PSMF1: variants seen among roughly 807,000 people sequenced by gnomAD.
PSMF1 encodes the protein proteasome inhibitor PI31 subunit.
Under a neutral mutation model 29.3 loss-of-function variants are expected in PSMF1, and 30 were observed. The observed-to-expected ratio is 1.02, with a 90% confidence interval of 0.77 to 1.39. The LOEUF is 1.39. PSMF1 is among the 40% of genes most tolerant of loss of function. The pLI is 0.00. For synonymous variants in PSMF1, 134 were observed against 139.7 expected, an observed-to-expected ratio of 0.96 and a Z score of 0.29; for missense variants, 344 against 357.5, an observed-to-expected ratio of 0.96 and a Z score of 0.31.
Position 1,165,460 on chromosome 20 carries a change from A to C in PSMF1, c.*380A>C. 5 of 1,047,828 alleles carry C rather than the reference A, an allele frequency of 4.8e-6. No individual in the cohort carries two copies. Among genetic ancestry groups the C allele is most frequent in the Non-Finnish European group, 5.7e-6 (5 of 869,782 alleles). The allele number at this position is 1,047,828 out of a possible 1,614,324, so 64.9% of individuals were successfully genotyped here. ...TATTAAGAACCAAATGTCAATACAG[A>C]ATTCATGTTGCCGGTTTCCCACTTT... On this transcript the variant is annotated 3_prime_UTR_variant, in exon 7 of 7. Coordinates refer to ENST00000335877, the MANE Select transcript of PSMF1 (RefSeq NM_006814.5).
intron 1 of PSMF1, among the ~76,000 whole-genome samples, chr20:1,124,024 T>A (rs936849996): frequency 6.6e-5 from 10 of 152,256 alleles, no homozygotes; most frequent in African/African-American, 2.4e-4. Flanking sequence ...ATTGTTATTG[T>A]TCATTTTCCA....
chr20:1,143,698 T>A (rs2086412400), intron 4 of PSMF1, among the ~76,000 whole-genome samples: 1 of 152,178 alleles, frequency 6.6e-6, no homozygotes, highest in South Asian at 2.1e-4. Flanking sequence ...ACCTACAGTT[T>A]GGGAGGCAAT....
At chr20:1,155,566 A>G (rs1018048347) in intron 4 of PSMF1, among the ~76,000 whole-genome samples, 1 of 152,242 alleles carries the variant, frequency 6.6e-6, no homozygotes, top group Admixed American at 6.5e-5. Flanking sequence ...TGCGTGGACC[A>G]CAGAGCGGGA....
At chr20:1,147,400 G>C (rs138622299) in intron 4 of PSMF1, among the ~76,000 whole-genome samples, 17 of 152,312 alleles carry the variant, frequency 1.1e-4, no homozygotes, top group African/African-American at 3.8e-4. Flanking sequence ...GATTTACCCC[G>C]AAGTGGGTCT....
At chr20:1,131,574 A>G (rs1009262604) in intron 3 of PSMF1, among the ~76,000 whole-genome samples, 1 of 152,182 alleles carries the variant, frequency 6.6e-6, no homozygotes, top group Admixed American at 6.5e-5. Context: ...CTGCCTCCTG[A>G]TCAGAGGCCC....
At chr20:1,123,385 G>A (rs1035179439) in intron 1 of PSMF1, among the ~76,000 whole-genome samples, 1 of 152,102 alleles carries the variant, frequency 6.6e-6, no homozygotes, top group Admixed American at 6.6e-5. Flanking sequence ...CATGACTACA[G>A]ATCTTCCCAG....
intron 4 of PSMF1, among the ~76,000 whole-genome samples, chr20:1,162,011 A>T (rs1280199190): frequency 4.6e-5 from 7 of 152,048 alleles, no homozygotes; most frequent in Non-Finnish European, 7.4e-5. Context: ...GTGGAAGACA[A>T]GTCTATGGCT....
chr20:1,122,857 G>T (rs969449471), intron 1 of PSMF1, among the ~76,000 whole-genome samples: 2 of 152,178 alleles, frequency 1.3e-5, no homozygotes, highest in Admixed American at 6.5e-5. Context: ...TGATGGGGTG[G>T]TGAGCAGACC....
chr20:1,116,409 A>T (rs2122418330), upstream of PSMF1, among the ~76,000 whole-genome samples: 1 of 152,238 alleles, frequency 6.6e-6, no homozygotes, highest in East Asian at 1.9e-4. Flanking sequence ...ACATACATGC[A>T]CTCTTCCTCA....
chr20:1,162,168 T>G (rs1229114570), intron 4 of PSMF1, among the ~76,000 whole-genome samples: 2 of 152,236 alleles, frequency 1.3e-5, no homozygotes, highest in African/African-American at 4.8e-5. Flanking sequence ...GTTTCCTTTC[T>G]TAGCTGATGT....
rs2086713542 is a variant in PSMF1, at chr20:1,165,144, C to T, written c.*64C>T. The T allele has an allele frequency of 4.3e-6, 7 of 1,612,982 alleles. No individual in the cohort carries two copies. Among genetic ancestry groups the T allele is most frequent in the Non-Finnish European group, 5.9e-6 (7 of 1,179,316 alleles). The stretch of plus-strand genomic sequence containing the variant: ...CTCCTGGAGCTGCCACCGCTGTCCC[C>T]ATCAGCAACCATGTTCTTGCAGGCT... On this transcript the variant is annotated 3_prime_UTR_variant, in exon 7 of 7. Coordinates refer to ENST00000335877, the MANE Select transcript of PSMF1 (RefSeq NM_006814.5).
chr20:1,152,936 C>T (rs539040309), intron 4 of PSMF1, among the ~76,000 whole-genome samples: 1 of 152,288 alleles, frequency 6.6e-6, no homozygotes, highest in East Asian at 1.9e-4. Context: ...TGAATGTTTC[C>T]TTAGAATAGA....
At chr20:1,137,259 G>T (rs2086318762) in intron 4 of PSMF1, among the ~76,000 whole-genome samples, 1 of 152,188 alleles carries the variant, frequency 6.6e-6, no homozygotes, top group South Asian at 2.1e-4. Context: ...GAGAGAATGA[G>T]AAAATCACCA....
At chr20:1,118,543 G>A, upstream of PSMF1, 1 of 459,128 alleles carries the variant, frequency 2.2e-6, no homozygotes, top group Non-Finnish European at 3.8e-6. Flanking sequence ...TCAGTGCTGC[G>A]CTCGCGTTGC....
intron 4 of PSMF1, among the ~76,000 whole-genome samples, chr20:1,137,092 T>G (rs538094076): frequency 6.6e-6 from 1 of 152,342 alleles, no homozygotes; most frequent in Non-Finnish European, 1.5e-5. Flanking sequence ...CTCTGGTCTC[T>G]GCCTGTAAAT....
rs775668042 is a variant in PSMF1 at position 1,135,254 on chromosome 20, G to A, written c.499G>A (p.Asp167Asn). 6.2e-7 allele frequency: 1 copy of A among 1,613,952 alleles called. No individual in the cohort carries two copies. Among genetic ancestry groups the A allele is most frequent in the Non-Finnish European group, 8.5e-7 (1 of 1,179,960 alleles). ...EFPPATAREV[D>N]PLRIPPHHPH... ...CCCCCCTGCTACCGCCAGAGAGGTG[G>A]ACCCACTCCGGATTCCTCCACACCA... The change falls in exon 4 of 7, where the codon GAC (aspartate) becomes AAC (asparagine). Residue 167 changes from aspartate to asparagine, a missense_variant. Transcript: ENST00000335877.
chr20:1,145,065 T>C (rs1323189632), intron 4 of PSMF1, among the ~76,000 whole-genome samples: 1 of 152,126 alleles, frequency 6.6e-6, no homozygotes, highest in Non-Finnish European at 1.5e-5. Flanking sequence ...TTTGTATTTT[T>C]AGTAGAGACG....
At chr20:1,149,628 A>G (rs747469880) in intron 4 of PSMF1, among the ~76,000 whole-genome samples, 49 of 152,092 alleles carry the variant, frequency 3.2e-4, no homozygotes, top group African/African-American at 7.5e-4. Flanking sequence ...TCAAGTAAAA[A>G]CAAAAAACAA....
In PSMF1 at chr20:1,163,329, G is replaced by A. The variant is rs2086689631; in HGVS notation, c.605+146G>A. The A allele has an allele frequency of 1.2e-6, 1 of 866,460 alleles. No homozygotes were observed. The highest frequency in any genetic ancestry group is 1.8e-6 in the Non-Finnish European group (1 of 544,938). The allele number at this position is 866,460 out of a possible 1,614,324, so 53.7% of individuals were successfully genotyped here. On this transcript the variant is annotated intron_variant, in intron 5 of 6. Transcript: ENST00000335877. The surrounding 1 kb of genome is among the most constrained non-coding windows in gnomAD (Gnocchi z 6.1). ...GTTGCTGAGCAGCTGAGAAAGCACT[G>A]CCACATACGCTGCCCCTCCACACCT...
Sources: gnomAD v4.1 joint callset for allele counts (sites outside exome capture counted in the v4.1 genomes callset) on GRCh38, gnomAD v4.1.1 for gene constraint, Gnocchi (gnomAD v3.1) non-coding constraint, MANE v1.5 for transcripts, NCBI Gene and HGNC (gene_info 2026-07-23, HGNC 2026-07-21) for gene names.